Variants in SLC25A26 observed in about 807,000 individuals in gnomAD.
The protein encoded by SLC25A26 is mitochondrial S-adenosylmethionine carrier protein.
SLC25A26 carries 36 observed loss-of-function variants against 37.8 expected under a neutral mutation model. The observed-to-expected ratio is 0.95, with a 90% CI of 0.73 to 1.26. The LOEUF (loss-of-function observed/expected upper bound fraction) is 1.26. Ranked by LOEUF, SLC25A26 falls within the 50% of genes most tolerant of loss-of-function variation. The pLI is 0.00. For missense variants in SLC25A26, 390 were observed against 331.1 expected (o/e 1.18, Z -1.38); for synonymous variants, 129 against 122.5 (o/e 1.05, Z -0.35).
intron 2 of SLC25A26, among the ~76,000 whole-genome samples, chr3:66,239,508 G>T (rs1287355821): frequency 6.6e-6 from 1 of 152,192 alleles, no homozygotes; most frequent in Non-Finnish European, 1.5e-5. Context: ...GATGGCAGAA[G>T]CTGCTTCTCC....
chr3:66,286,612 T>A lies in SLC25A26; in HGVS notation c.453+23233T>A, dbSNP rs986340120. Among the ~76,000 whole-genome samples the A allele has an allele frequency of 1.3e-5, 2 of 152,228 alleles. 1 individual carries two copies. On this transcript the variant is annotated intron_variant, in intron 5 of 9. Coordinates refer to ENST00000354883, the MANE Select transcript of SLC25A26 (RefSeq NM_001379210.1). Reference sequence around the variant, plus strand: ...CTTTATTTAGGTGTTTGTTTTCATATTTTTGAATATCCCAGTCTTGAAAGA... The same window carrying A: ...CTTTATTTAGGTGTTTGTTTTCATAATTTTGAATATCCCAGTCTTGAAAGA...
intron 6 of SLC25A26, among the ~76,000 whole-genome samples, chr3:66,357,183 GTGGGAGGATCACT>G (rs1227215420): frequency 6.6e-6 from 1 of 152,198 alleles, no homozygotes; most frequent in African/African-American, 2.4e-5. Context: ...GGAGGCTGGG[GTGGGAGGATCACT>G]TGAGATCAGG....
At chr3:66,235,138 G>A (rs980194889) in intron 1 of SLC25A26, among the ~76,000 whole-genome samples, 7 of 152,126 alleles carry the variant, frequency 4.6e-5, no homozygotes, top group East Asian at 3.9e-4. Flanking sequence ...AACAACTAAT[G>A]ATCCTTGTGA....
At chr3:66,242,659 CTTTTTAGAGG>C (rs201947161) in intron 2 of SLC25A26, among the ~76,000 whole-genome samples, 25,877 of 151,996 alleles carry the variant, frequency 0.17, 2,725 homozygotes, top group Non-Finnish European at 0.24. Flanking sequence ...ATAGGGGTAG[CTTTTTAGAGG>C]TTTTTAGAGA....
chr3:66,240,355 C>T (rs557193355), intron 2 of SLC25A26, among the ~76,000 whole-genome samples: 150 of 152,010 alleles, frequency 9.9e-4, no homozygotes, highest in Non-Finnish European at 1.6e-3. Context: ...AGTGGCATGA[C>T]GTTGGCCCAC....
At chr3:66,258,133 G>T (rs2073378052) in intron 3 of SLC25A26, among the ~76,000 whole-genome samples, 1 of 152,154 alleles carries the variant, frequency 6.6e-6, no homozygotes, top group Non-Finnish European at 1.5e-5. Flanking sequence ...CGCTTTGCTA[G>T]ATCTAGATAT....
At chr3:66,197,955 A>G (rs2071066516) in intron 1 of SLC25A26, among the ~76,000 whole-genome samples, 1 of 152,120 alleles carries the variant, frequency 6.6e-6, no homozygotes. Context: ...AGACAGGATC[A>G]GGGTCAGAGA....
At chr3:66,221,580 C>T (rs1250542491) in intron 1 of SLC25A26, among the ~76,000 whole-genome samples, 3 of 151,930 alleles carry the variant, frequency 2.0e-5, no homozygotes, top group South Asian at 4.2e-4. Flanking sequence ...AATGACATGT[C>T]CTTCTGTTCA....
At chr3:66,341,419 C>A (rs555313044) in intron 5 of SLC25A26, among the ~76,000 whole-genome samples, 1 of 152,098 alleles carries the variant, frequency 6.6e-6, no homozygotes, top group African/African-American at 2.4e-5. Flanking sequence ...TTAATTGGCA[C>A]TCTAACATGT....
At chr3:66,365,958 T>C (rs528718822) in intron 7 of SLC25A26, among the ~76,000 whole-genome samples, 35 of 152,326 alleles carry the variant, frequency 2.3e-4, no homozygotes, top group African/African-American at 7.9e-4. Flanking sequence ...CAGCCACTGC[T>C]TAGAGGTGAC....
At chr3:66,227,557 G>A (rs1402210772) in intron 1 of SLC25A26, among the ~76,000 whole-genome samples, 2 of 152,198 alleles carry the variant, frequency 1.3e-5, no homozygotes, top group African/African-American at 4.8e-5. Flanking sequence ...TTAATATGCT[G>A]TGGTAACTGA....
chr3:66,278,428 A>C (rs1465261659), intron 5 of SLC25A26, among the ~76,000 whole-genome samples: 1 of 152,106 alleles, frequency 6.6e-6, no homozygotes, highest in Non-Finnish European at 1.5e-5. Context: ...CACTCTCTAG[A>C]GGTAGCCTTT....
At chr3:66,146,786 A>G (rs114482438) in intron 1 of SLC25A26, among the ~76,000 whole-genome samples, 292 of 152,202 alleles carry the variant, frequency 1.9e-3, no homozygotes, top group Middle Eastern at 6.8e-3. Flanking sequence ...CTCATCACCC[A>G]AGCAGTGTAC....
chr3:66,237,404 A>G lies in SLC25A26; in HGVS notation c.190+704A>G, dbSNP rs369817308. Among the ~76,000 whole-genome samples the G allele has an allele frequency of 4.1e-4, 63 of 152,354 alleles. 1 individual carries two copies. In the South Asian group the frequency reaches 0.011, roughly 27 times the overall value. On this transcript the variant is annotated intron_variant, in intron 2 of 9. Coordinates refer to ENST00000354883, the MANE Select transcript of SLC25A26 (RefSeq NM_001379210.1). ...TAATTGGTCTAGGCTTCGCCTGGGT[A>G]TTAGGAGTTTTAATAACTTCCAAGG...
chr3:66,234,672 CT>C (rs2072190832), intron 1 of SLC25A26, among the ~76,000 whole-genome samples: 1 of 152,020 alleles, frequency 6.6e-6, no homozygotes, highest in Admixed American at 6.6e-5. Context: ...AAGTTAACTC[CT>C]GGGATGGTTT....
At chr3:66,223,037 C>T (rs1001424869) in intron 1 of SLC25A26, among the ~76,000 whole-genome samples, 5 of 152,092 alleles carry the variant, frequency 3.3e-5, no homozygotes, top group African/African-American at 1.2e-4. Context: ...CTATTCTGCC[C>T]ACTGGGTATT....
At chr3:66,152,467 C>G (rs1359068318) in intron 1 of SLC25A26, among the ~76,000 whole-genome samples, 14 of 152,190 alleles carry the variant, frequency 9.2e-5, no homozygotes, top group Non-Finnish European at 1.0e-4. Context: ...TTCACCAAGT[C>G]TCCAGCTCTG....
At chr3:66,253,140 G>T (rs1032919884) in intron 3 of SLC25A26, among the ~76,000 whole-genome samples, 10 of 151,856 alleles carry the variant, frequency 6.6e-5, no homozygotes, top group Non-Finnish European at 1.5e-4. Flanking sequence ...GGGCGCAGTG[G>T]CTCATGCCTG....
At chr3:66,348,562 A>T (rs142501239) in intron 6 of SLC25A26, among the ~76,000 whole-genome samples, 4 of 152,210 alleles carry the variant, frequency 2.6e-5, no homozygotes, top group African/African-American at 7.2e-5. Context: ...TTGACTAGTC[A>T]TGGAGTGCTC....
Sources: gnomAD v4.1 joint callset for allele counts (sites outside exome capture counted in the v4.1 genomes callset) on GRCh38, gnomAD v4.1.1 for gene constraint, MANE v1.5 for transcripts, NCBI Gene and HGNC (gene_info 2026-07-23, HGNC 2026-07-21) for gene names.